Variants in DCDC1 observed in about 807,000 individuals in gnomAD.
DCDC1 encodes doublecortin domain-containing protein 1.
In DCDC1, 200 loss-of-function variants were observed where a neutral mutation model predicts 178.3. The observed-to-expected ratio is 1.12, with a 90% CI of 1.00 to 1.26. The LOEUF is 1.26. Ranked by LOEUF, DCDC1 falls within the 50% of genes most tolerant of loss-of-function variation. The probability of loss-of-function intolerance (pLI) is 0.00; values close to 1 mark genes in which losing one functional copy is unlikely to be tolerated. For synonymous variants in DCDC1, 690 were observed against 604.8 expected (o/e 1.14, Z -2.07); for missense variants, 1,983 against 1,749.2 (o/e 1.13, Z -2.38).
At chr11:30,932,059 C>A in intron 21 of DCDC1, 107 bp from the exon 22 acceptor site, 3 of 1,096,144 alleles carry the variant, frequency 2.7e-6, no homozygotes, top group Non-Finnish European at 2.4e-6. Flanking sequence ...CTCATTCATT[C>A]AACAAAAATG....
intron 11 of DCDC1, among the ~76,000 whole-genome samples, chr11:31,114,601 G>A (rs779484281): frequency 1.3e-5 from 2 of 152,258 alleles, no homozygotes; most frequent in Admixed American, 1.3e-4. Flanking sequence ...AGTACTACAC[G>A]CAGAGAGAGC....
chr11:30,948,068 CTGTT>C (rs1479291380), intron 21 of DCDC1, among the ~76,000 whole-genome samples: 1 of 152,116 alleles, frequency 6.6e-6, no homozygotes, highest in African/African-American at 2.4e-5. Context: ...CAAATTGTCT[CTGTT>C]TGCAGATAAC....
intron 9 of DCDC1, among the ~76,000 whole-genome samples, chr11:31,146,354 G>T (rs1435470933): frequency 1.3e-5 from 2 of 152,114 alleles, no homozygotes; most frequent in Non-Finnish European, 2.9e-5. Context: ...CCAAAGGGCT[G>T]GGAATATAGG....
intron 9 of DCDC1, among the ~76,000 whole-genome samples, chr11:31,174,508 G>A (rs984573430): frequency 6.6e-6 from 1 of 152,186 alleles, no homozygotes; most frequent in African/African-American, 2.4e-5. Context: ...ACAGTGGCAG[G>A]AGGCAGACGG....
At chr11:30,961,048 T>C (rs2134575912) in intron 20 of DCDC1, among the ~76,000 whole-genome samples, 1 of 152,220 alleles carries the variant, frequency 6.6e-6, no homozygotes, top group East Asian at 1.9e-4. Context: ...GAATTAAACA[T>C]ATCAATTTCA....
At chr11:31,347,908 T>C (rs530012525) in intron 1 of DCDC1, among the ~76,000 whole-genome samples, 83 of 152,314 alleles carry the variant, frequency 5.4e-4, no homozygotes, top group Non-Finnish European at 9.4e-4. Flanking sequence ...CTGGAGGTCA[T>C]AAGTAGGTGG....
In DCDC1 at chr11:31,110,350, A is replaced by G; in HGVS notation, c.1497T>C (p.Asn499=). 1.4e-6 allele frequency: 1 copy of G among 701,382 alleles called. No homozygotes were observed. The highest frequency in any genetic ancestry group is 2.6e-6 in the Non-Finnish European group (1 of 383,510). 43.4% of individuals were successfully genotyped at this position (701,382 alleles called of 1,614,324 possible). ...PGGLQLKVFE[N]GKNTGEISVG... is the part of the protein sequence containing the mutation. ...CAGAGATCTCTCCAGTGTTTTTACC[A>G]TTTTCAAATACCTGAAAAATAAACA... The change falls in exon 12 of 39, where the codon AAT becomes AAC. Residue 499 remains asparagine, a synonymous_variant. Transcript: ENST00000684477.
intron 9 of DCDC1, among the ~76,000 whole-genome samples, chr11:31,164,599 A>G (rs982007916): frequency 1.3e-5 from 2 of 152,190 alleles, no homozygotes; most frequent in African/African-American, 4.8e-5. Context: ...AAAAGTTTAT[A>G]GAAGGATATG....
At chr11:31,359,738 A>T (rs1374282006) in intron 1 of DCDC1, among the ~76,000 whole-genome samples, 1 of 152,182 alleles carries the variant, frequency 6.6e-6, no homozygotes, top group Non-Finnish European at 1.5e-5. Context: ...TCTTTTCTGT[A>T]CATTTTCCCT....
At chr11:31,184,102 G>A (rs1164315109) in intron 9 of DCDC1, among the ~76,000 whole-genome samples, 2 of 152,060 alleles carry the variant, frequency 1.3e-5, no homozygotes, top group African/African-American at 4.8e-5. Flanking sequence ...CAGACCAATG[G>A]AACAGAACAG....
chr11:31,158,005 C>T (rs185199311), intron 9 of DCDC1, among the ~76,000 whole-genome samples: 106 of 152,176 alleles, frequency 7.0e-4, no homozygotes, highest in Non-Finnish European at 1.2e-3. Flanking sequence ...GCTCATTAAC[C>T]CATGCATTAT....
At chr11:31,018,833 G>C (rs564700257) in intron 20 of DCDC1, among the ~76,000 whole-genome samples, 19 of 152,122 alleles carry the variant, frequency 1.2e-4, no homozygotes, top group Middle Eastern at 3.4e-3. Context: ...AAAATGGAGG[G>C]GCCAGATAAT....
intron 9 of DCDC1, among the ~76,000 whole-genome samples, chr11:31,141,015 G>A (rs921288635): frequency 3.9e-5 from 6 of 152,104 alleles, no homozygotes; most frequent in South Asian, 4.1e-4. Context: ...GCTGGCTCAG[G>A]AAGCTCTCTT....
At position 31,084,346 on chromosome 11, in the gene DCDC1, G is replaced by A. The variant is rs11031286; in HGVS notation, c.2238-6421C>T. Among the ~76,000 whole-genome samples, 372 of 151,962 alleles carry A rather than the reference G, an allele frequency of 2.4e-3. 4 individuals carry two copies. The highest frequency in any genetic ancestry group is 8.7e-3 in the African/African-American group (362 of 41,458). On this transcript the variant is annotated intron_variant, in intron 17 of 38. Coordinates refer to ENST00000684477, the MANE Select transcript of DCDC1 (RefSeq NM_001387274.1). ...TCTCTAGAAATTGCTGTCACATGAA[G>A]ATATTTATTGTTATTTATAATAAAA... is the stretch of plus-strand genomic sequence containing the variant.
intron 9 of DCDC1, among the ~76,000 whole-genome samples, chr11:31,184,429 T>C (rs1014463578): frequency 6.6e-6 from 1 of 152,038 alleles, no homozygotes; most frequent in Admixed American, 6.5e-5. Flanking sequence ...AAAGTCAAAA[T>C]TGACAAATGG....
chr11:31,137,887 T>A (rs908059772), intron 9 of DCDC1, 103 bp from the exon 10 acceptor site: 14 of 586,152 alleles, frequency 2.4e-5, no homozygotes, highest in Admixed American at 2.1e-4. Context: ...TGTGATTTGA[T>A]ATTAATTTTG....
intron 15 of DCDC1, among the ~76,000 whole-genome samples, chr11:31,099,667 C>T (rs948621332): frequency 2.7e-5 from 4 of 150,886 alleles, no homozygotes; most frequent in Admixed American, 2.0e-4. Context: ...GAAGCAGTCA[C>T]AAATCAGATA....
intron 9 of DCDC1, among the ~76,000 whole-genome samples, chr11:31,232,641 C>T (rs1044618785): frequency 3.9e-5 from 6 of 152,144 alleles, no homozygotes; most frequent in African/African-American, 1.2e-4. Flanking sequence ...CTTACATTTG[C>T]TAATGAAGAT....
chr11:31,156,218 C>A (rs189960568), intron 9 of DCDC1, among the ~76,000 whole-genome samples: 1 of 152,156 alleles, frequency 6.6e-6, no homozygotes, highest in Non-Finnish European at 1.5e-5. Flanking sequence ...TTTTGAAATA[C>A]AGATCTACTA....
Sources: gnomAD v4.1 joint callset for allele counts (sites outside exome capture counted in the v4.1 genomes callset) on GRCh38, gnomAD v4.1.1 for gene constraint, MANE v1.5 for transcripts, NCBI Gene and HGNC (gene_info 2026-07-23, HGNC 2026-07-21) for gene names.